TTLL11: variants seen among roughly 807,000 people sequenced by gnomAD.
TTLL11 encodes the protein tubulin polyglutamylase TTLL11.
In TTLL11, 42 loss-of-function variants were observed where a neutral mutation model predicts 51.7. That is an observed-to-expected ratio of 0.81 (90% CI 0.64 to 1.05). The LOEUF (loss-of-function observed/expected upper bound fraction) is 1.05, where lower values mean the gene tolerates loss of function less well. Among genes scored for constraint, TTLL11 ranks in the 50% least tolerant of loss-of-function variants. TTLL11 has a pLI of 0.00. For missense variants in TTLL11, 799 were observed against 940.4 expected (o/e 0.85, Z 1.97); for synonymous variants, 381 against 383.5 (o/e 0.99, Z 0.08).
intron 8 of TTLL11, among the ~76,000 whole-genome samples, chr9:121,831,999 C>A (rs1051928041): frequency 6.6e-6 from 1 of 152,142 alleles, no homozygotes; most frequent in African/African-American, 2.4e-5. Flanking sequence ...CTTGCCATGT[C>A]CTCACATGGC....
intron 1 of TTLL11, among the ~76,000 whole-genome samples, chr9:122,085,810 G>A (rs1846108731): frequency 1.3e-5 from 2 of 152,124 alleles, no homozygotes. Context: ...CATTGCTACA[G>A]CTGAAGAAAC....
At chr9:121,903,191 T>C (rs1451900658) in intron 6 of TTLL11, among the ~76,000 whole-genome samples, 1 of 152,108 alleles carries the variant, frequency 6.6e-6, no homozygotes, top group Non-Finnish European at 1.5e-5. Context: ...TGCAACAGGC[T>C]CCCTATTTTA....
At chr9:121,887,765 C>T (rs958925871) in intron 6 of TTLL11, among the ~76,000 whole-genome samples, 1 of 152,214 alleles carries the variant, frequency 6.6e-6, no homozygotes, top group South Asian at 2.1e-4. Context: ...AAAGTGCCTC[C>T]CCCGCAGCAA....
intron 1 of TTLL11, among the ~76,000 whole-genome samples, chr9:122,083,399 A>G (rs1395778309): frequency 1.3e-5 from 2 of 152,058 alleles, no homozygotes; most frequent in Non-Finnish European, 1.5e-5. Context: ...CCCCAACCCC[A>G]CCAGCCCACA....
At chr9:122,039,113 T>C (rs1006281305) in intron 2 of TTLL11, among the ~76,000 whole-genome samples, 159 bp downstream of exon 2, 1 of 152,202 alleles carries the variant, frequency 6.6e-6, no homozygotes, top group African/African-American at 2.4e-5. Flanking sequence ...TAAAAGCCTG[T>C]CTCCAATCCT....
At chr9:121,979,871 C>A (rs1364360070) in intron 4 of TTLL11, among the ~76,000 whole-genome samples, 2 of 152,020 alleles carry the variant, frequency 1.3e-5, no homozygotes, top group Non-Finnish European at 2.9e-5. Flanking sequence ...TACTACACAT[C>A]TTGGGCTCTC....
chr9:121,870,987 T>C (rs1458459917), intron 6 of TTLL11, among the ~76,000 whole-genome samples: 3 of 152,188 alleles, frequency 2.0e-5, no homozygotes, highest in Non-Finnish European at 4.4e-5. Flanking sequence ...ACCATCCTGG[T>C]TTCCCAGTAT....
intron 1 of TTLL11, among the ~76,000 whole-genome samples, chr9:122,046,215 C>T (rs1056962410): frequency 6.6e-6 from 1 of 152,082 alleles, no homozygotes; most frequent in African/African-American, 2.4e-5. Context: ...ACAGACTTCC[C>T]TCTTGCTGCT....
At chr9:121,884,917 C>T (rs1271812844) in intron 6 of TTLL11, 1 of 152,234 alleles carries the variant, frequency 6.6e-6, no homozygotes, top group African/African-American at 2.4e-5. Context: ...TTGGGAAGAA[C>T]AAAGCAAGGC....
In TTLL11 at chr9:121,950,455, A is replaced by AT. The variant is rs901026682; in HGVS notation, c.1481+23553dup. Among the ~76,000 whole-genome samples the AT allele has an allele frequency of 3.9e-5, 6 of 152,186 alleles. No homozygotes were observed. The East Asian group carries it at 5.8e-4, about 15-fold the overall frequency. ...CCTGACAAAGGGCAAGGATTCATAG[A>AT]TTTTTTCAGGACTGAATGAAACTCC... On this transcript the variant is annotated intron_variant, in intron 6 of 8. Coordinates refer to ENST00000321582, the MANE Select transcript of TTLL11 (RefSeq NM_001139442.2).
At chr9:121,963,982 C>T (rs557384173) in intron 6 of TTLL11, among the ~76,000 whole-genome samples, 3 of 152,060 alleles carry the variant, frequency 2.0e-5, no homozygotes, top group African/African-American at 4.8e-5. Context: ...TAGCCTCCAA[C>T]GATAATAGGA....
chr9:121,988,411 C>T (rs1201159073), intron 4 of TTLL11, among the ~76,000 whole-genome samples: 1 of 151,878 alleles, frequency 6.6e-6, no homozygotes, highest in Non-Finnish European at 1.5e-5. Context: ...TTCTCTCCCA[C>T]CTCACCTTCC....
rs1002992314 is a variant in TTLL11, at chr9:121,818,680, A to G, written c.*3907T>C. 1.3e-5 allele frequency: 2 copies of G among 152,508 alleles called. No homozygotes were observed. The highest frequency in any genetic ancestry group is 1.3e-4 in the Admixed American group (2 of 15,286). 9.4% of individuals were successfully genotyped at this position (152,508 alleles called of 1,614,324 possible). Reference sequence around the variant, plus strand: ...ACTGAACCTTGAAAGTCTGTTTGCCACTGGGCAGAGGAAGGCCATTCCAGG... The same window carrying G: ...ACTGAACCTTGAAAGTCTGTTTGCCGCTGGGCAGAGGAAGGCCATTCCAGG... On this transcript the variant is annotated 3_prime_UTR_variant, in exon 9 of 9. Transcript: ENST00000321582.
At chr9:121,852,536 C>T (rs1447083356) in intron 8 of TTLL11, among the ~76,000 whole-genome samples, 3 of 152,158 alleles carry the variant, frequency 2.0e-5, no homozygotes, top group Non-Finnish European at 2.9e-5. Flanking sequence ...ATTCAGCTTT[C>T]TCCCCTTTGT....
chr9:121,981,148 T>A (rs201058133), intron 4 of TTLL11, among the ~76,000 whole-genome samples: 40 of 144,116 alleles, frequency 2.8e-4, no homozygotes, highest in African/African-American at 8.4e-4. Flanking sequence ...TTTTTTTTTT[T>A]AAATATTCCC....
chr9:121,977,971 G>A (rs1000611582), intron 4 of TTLL11, among the ~76,000 whole-genome samples: 2 of 151,946 alleles, frequency 1.3e-5, no homozygotes, highest in African/African-American at 4.8e-5. Flanking sequence ...CACCGCGTCC[G>A]GCCCAGAAAA....
chr9:121,828,605 C>A (rs1232669858), intron 8 of TTLL11, among the ~76,000 whole-genome samples: 1 of 152,182 alleles, frequency 6.6e-6, no homozygotes, highest in Non-Finnish European at 1.5e-5. Context: ...CATTTCACCA[C>A]CCCGTCCCTG....
rs184391886 is a variant in TTLL11 at position 122,053,398 on chromosome 9, C to T, written c.463-14030G>A. On this transcript the variant is annotated intron_variant, in intron 1 of 8. Coordinates refer to ENST00000321582, the MANE Select transcript of TTLL11 (RefSeq NM_001139442.2). Reference sequence around the variant, plus strand: ...TAGGACAGCAGAGATGTCCCACGTGCCTGGAGCCTGGGGGAAAGGGGAACA... The same window carrying T: ...TAGGACAGCAGAGATGTCCCACGTGTCTGGAGCCTGGGGGAAAGGGGAACA... Among the ~76,000 whole-genome samples, 40 of 152,224 alleles carry T rather than the reference C, an allele frequency of 2.6e-4. 1 individual carries two copies. The highest frequency in any genetic ancestry group is 1.6e-3 in the Admixed American group (25 of 15,294).
At chr9:121,930,497 C>T (rs1840924070) in intron 6 of TTLL11, among the ~76,000 whole-genome samples, 2 of 152,198 alleles carry the variant, frequency 1.3e-5, no homozygotes, top group African/African-American at 4.8e-5. Context: ...ATCACATGAC[C>T]AAGTCTAATG....
Sources: gnomAD v4.1 joint callset for allele counts (sites outside exome capture counted in the v4.1 genomes callset) on GRCh38, gnomAD v4.1.1 for gene constraint, MANE v1.5 for transcripts, NCBI Gene and HGNC (gene_info 2026-07-23, HGNC 2026-07-21) for gene names.